Variants in GRIK2 observed in about 807,000 individuals in gnomAD.
The protein encoded by GRIK2 is glutamate ionotropic receptor kainate type subunit 2, also known as glutamate receptor ionotropic, kainate 2.
A neutral mutation model predicts 100.3 loss-of-function variants in GRIK2; 32 were observed. The ratio of observed to expected loss-of-function variants is 0.32; its 90% CI spans 0.24 to 0.43. The LOEUF is 0.43. Ranked by LOEUF, GRIK2 falls within the 20% of genes least tolerant of loss-of-function variation. GRIK2 has a pLI of 1.00. For synonymous variants in GRIK2, 417 were observed against 389.4 expected (o/e 1.07, Z -0.83); for missense variants, 843 against 1,114.9 (o/e 0.76, Z 3.47).
intron 3 of GRIK2, among the ~76,000 whole-genome samples, chr6:101,624,089 T>C (rs1220555940): frequency 6.6e-6 from 1 of 152,074 alleles, no homozygotes; most frequent in Non-Finnish European, 1.5e-5. Context: ...TCTGTTATAG[T>C]TTTAAAGGGT....
intron 4 of GRIK2, among the ~76,000 whole-genome samples, chr6:101,658,390 T>A (rs987747005): frequency 6.6e-5 from 10 of 152,208 alleles, no homozygotes; most frequent in African/African-American, 2.2e-4. Flanking sequence ...AACTCATCCT[T>A]TTTTATGGCT....
intron 2 of GRIK2, among the ~76,000 whole-genome samples, chr6:101,404,078 C>A (rs563347974): frequency 6.6e-6 from 1 of 152,306 alleles, no homozygotes; most frequent in South Asian, 2.1e-4. Context: ...AAACTCAACA[C>A]ATTTTCTGGC....
intron 7 of GRIK2, among the ~76,000 whole-genome samples, chr6:101,728,474 A>G (rs1041566491): frequency 5.3e-5 from 8 of 152,078 alleles, no homozygotes; most frequent in Non-Finnish European, 1.2e-4. Context: ...TGACATCGTG[A>G]CATTTATTTT....
chr6:102,020,244 A>G (rs1769354653), intron 14 of GRIK2, among the ~76,000 whole-genome samples: 1 of 149,278 alleles, frequency 6.7e-6, no homozygotes, highest in African/African-American at 2.6e-5. Context: ...ATAGTGTTAA[A>G]GAAAAAAAAA....
At chr6:101,435,386 A>ATT (rs367634710) in intron 2 of GRIK2, among the ~76,000 whole-genome samples, 22 of 140,924 alleles carry the variant, frequency 1.6e-4, no homozygotes, top group African/African-American at 4.7e-4. Context: ...GCACACGGTG[A>ATT]TTTTTTTTTT....
intron 4 of GRIK2, among the ~76,000 whole-genome samples, chr6:101,639,990 C>G (rs969148232): frequency 6.6e-5 from 10 of 152,176 alleles, no homozygotes; most frequent in Non-Finnish European, 1.3e-4. Context: ...ACATATACCT[C>G]TTCTTATCCC....
chr6:101,719,310 C>A (rs1284172165), intron 7 of GRIK2, among the ~76,000 whole-genome samples: 1 of 151,712 alleles, frequency 6.6e-6, no homozygotes, highest in African/African-American at 2.4e-5. Flanking sequence ...CTTTCATATT[C>A]TCTCACCATT....
chr6:101,874,586 T>C (rs529519202), intron 11 of GRIK2, among the ~76,000 whole-genome samples: 1 of 152,294 alleles, frequency 6.6e-6, no homozygotes, highest in African/African-American at 2.4e-5. Context: ...GCAGGCTCTT[T>C]TTTGGTGCCA....
intron 1 of GRIK2, among the ~76,000 whole-genome samples, chr6:101,398,543 C>CA (rs1775110460): frequency 6.6e-6 from 1 of 152,188 alleles, no homozygotes; most frequent in Non-Finnish European, 1.5e-5. Flanking sequence ...CGTCTTAGAT[C>CA]ACTTTCTTTT....
intron 15 of GRIK2, among the ~76,000 whole-genome samples, chr6:102,051,505 C>G (rs1771194187): frequency 6.6e-6 from 1 of 151,832 alleles, no homozygotes. Context: ...GATTCAAGGC[C>G]TAATTTGGCT....
At chr6:101,413,665 G>C (rs554627971) in intron 2 of GRIK2, among the ~76,000 whole-genome samples, 1 of 152,000 alleles carries the variant, frequency 6.6e-6, no homozygotes, top group East Asian at 1.9e-4. Context: ...CATTCTATAG[G>C]TTCTGTTTCA....
chr6:101,639,378 C>T (rs1781177721), intron 4 of GRIK2, among the ~76,000 whole-genome samples: 1 of 152,146 alleles, frequency 6.6e-6, no homozygotes, highest in African/African-American at 2.4e-5. Flanking sequence ...TAGTGTATCA[C>T]ATGTATCAAA....
chr6:101,893,540 G>A (rs1048344939), intron 12 of GRIK2, among the ~76,000 whole-genome samples: 2 of 151,558 alleles, frequency 1.3e-5, no homozygotes, highest in African/African-American at 4.8e-5. Context: ...GTCATTATCT[G>A]ATGTCATTTC....
At chr6:101,998,915 G>A (rs1224119559) in intron 14 of GRIK2, among the ~76,000 whole-genome samples, 1 of 144,628 alleles carries the variant, frequency 6.9e-6, no homozygotes, top group Admixed American at 7.4e-5. Context: ...CTTGGTTGAA[G>A]CGATTCTCCT....
chr6:101,466,059 C>G (rs1267777175), intron 2 of GRIK2, among the ~76,000 whole-genome samples: 1 of 152,114 alleles, frequency 6.6e-6, no homozygotes, highest in Non-Finnish European at 1.5e-5. Context: ...GTCATTGACA[C>G]TCTAGGCTGA....
At chr6:101,524,233 CA>C (rs1287552300) in intron 2 of GRIK2, among the ~76,000 whole-genome samples, 1 of 152,140 alleles carries the variant, frequency 6.6e-6, no homozygotes, top group Non-Finnish European at 1.5e-5. Flanking sequence ...AATCCATCAA[CA>C]TAGATCCTTG....
intron 7 of GRIK2, among the ~76,000 whole-genome samples, chr6:101,779,150 A>G (rs1032997026): frequency 6.6e-5 from 10 of 152,184 alleles, no homozygotes; most frequent in African/African-American, 2.4e-4. Context: ...ATGTAAGCAT[A>G]CATAGATTTT....
intron 11 of GRIK2, among the ~76,000 whole-genome samples, chr6:101,885,079 G>A (rs887281951): frequency 3.9e-5 from 6 of 152,004 alleles, no homozygotes; most frequent in Non-Finnish European, 7.4e-5. Flanking sequence ...TACTCTCACA[G>A]GAACTGAGAC....
At chr6:101,757,296 T>G (rs149295107) in intron 7 of GRIK2, among the ~76,000 whole-genome samples, 1 of 152,206 alleles carries the variant, frequency 6.6e-6, no homozygotes, top group African/African-American at 2.4e-5. Flanking sequence ...GTACCTAATG[T>G]ATTTAAATTT....
Sources: allele counts gnomAD v4.1 joint callset (sites outside exome capture counted in the v4.1 genomes callset), GRCh38; gene constraint gnomAD v4.1.1; transcripts MANE v1.5; gene names NCBI Gene and HGNC (gene_info 2026-07-23, HGNC 2026-07-21).